NHSL2: variants seen among roughly 807,000 people sequenced by gnomAD.
NHSL2 encodes NHS-like protein 2.
NHSL2 carries 27 observed loss-of-function variants against 53.4 expected under a neutral mutation model. That is an observed-to-expected ratio of 0.51 (90% confidence interval 0.37 to 0.70). NHSL2 has a LOEUF of 0.70. NHSL2 is among the 30% of genes least tolerant of loss of function. NHSL2 has a pLI of 0.00. For synonymous variants in NHSL2, 408 were observed against 404.1 expected (o/e 1.01, Z -0.12); for missense variants, 892 against 980.1 (o/e 0.91, Z 1.20).
chrX:72,089,812 A>G (rs143774178), intron 1 of NHSL2, among the ~76,000 whole-genome samples: 1 of 110,798 alleles, frequency 9.0e-6, no homozygotes, highest in Non-Finnish European at 1.9e-5. Flanking sequence ...CCTCTAATTT[A>G]TCATTTGTGC....
At chrX:71,955,334 G>A (rs1016551293) in intron 1 of NHSL2, among the ~76,000 whole-genome samples, 2 of 111,162 alleles carry the variant, frequency 1.8e-5, no homozygotes, top group Non-Finnish European at 3.8e-5. Context: ...ATGCTGTTTT[G>A]TATTGGTAAA....
At chrX:72,097,994 C>T (rs1218517775) in intron 1 of NHSL2, among the ~76,000 whole-genome samples, 1 of 112,459 alleles carries the variant, frequency 8.9e-6, no homozygotes, top group African/African-American at 3.2e-5. Context: ...GTGTAGCCCT[C>T]TCTTAACATG....
At chrX:72,092,110 G>T (rs1161349487) in intron 1 of NHSL2, among the ~76,000 whole-genome samples, 6 of 111,861 alleles carry the variant, frequency 5.4e-5, no homozygotes, top group Admixed American at 9.5e-5. Flanking sequence ...AGAGCTGTAG[G>T]TTAGATGGCC....
At chrX:71,964,041 A>ATATT (rs1569467147) in intron 1 of NHSL2, among the ~76,000 whole-genome samples, 1 of 9,816 alleles carries the variant, frequency 1.0e-4, no homozygotes, top group African/African-American at 2.0e-4. Flanking sequence ...ATATATATAT[A>ATATT]TGTATATATA....
chrX:71,997,470 C>G (rs1295844594), intron 1 of NHSL2, among the ~76,000 whole-genome samples: 1 of 112,375 alleles, frequency 8.9e-6, no homozygotes, highest in African/African-American at 3.2e-5. Flanking sequence ...AGTCTCTTTA[C>G]TGCCCCCATA....
chrX:71,974,908 T>C (rs1275846716), intron 1 of NHSL2, among the ~76,000 whole-genome samples: 1 of 112,210 alleles, frequency 8.9e-6, no homozygotes, highest in African/African-American at 3.2e-5. Flanking sequence ...TTGTATCTCT[T>C]CTTAGCCTGC....
chrX:72,120,979 G>T (rs2042177061), intron 1 of NHSL2, among the ~76,000 whole-genome samples: 1 of 112,581 alleles, frequency 8.9e-6, no homozygotes, highest in Non-Finnish European at 1.9e-5. Context: ...AGCAGGCCCT[G>T]GCCAGCCAGG....
chrX:71,942,420 C>T (rs190258986), intron 1 of NHSL2, among the ~76,000 whole-genome samples: 89 of 112,433 alleles, frequency 7.9e-4, no homozygotes, highest in African/African-American at 2.7e-3. Context: ...ATATCAGGCT[C>T]CTTGAAATGA....
chrX:71,996,019 G>C (rs1296817613), intron 1 of NHSL2, among the ~76,000 whole-genome samples: 1 of 112,332 alleles, frequency 8.9e-6, no homozygotes, highest in Non-Finnish European at 1.9e-5. Flanking sequence ...GAAGGAGAGA[G>C]CCACTGGACT....
Position 72,144,366 on chromosome X carries a change from A to G in NHSL2, c.*792A>G. The G allele has an allele frequency of 2.9e-6, 1 of 343,823 alleles. No individual in the cohort carries two copies. Among genetic ancestry groups the G allele is most frequent in the South Asian group, 3.4e-5 (1 of 29,581 alleles). The allele number at this position is 343,823 out of a possible 1,213,427, so 28.3% of individuals were successfully genotyped here. ...TTGTTCACTCAGATCTAGCCGAGGT[A>G]ACTCACAAGTGCACCTTGAGATCCT... is the stretch of plus-strand genomic sequence containing the variant. On this transcript the variant is annotated 3_prime_UTR_variant, in exon 8 of 8. Coordinates refer to ENST00000633930, the MANE Select transcript of NHSL2 (RefSeq NM_001013627.3).
At chrX:71,976,119 C>T (rs1222699600) in intron 1 of NHSL2, among the ~76,000 whole-genome samples, 2 of 111,175 alleles carry the variant, frequency 1.8e-5, no homozygotes, top group Non-Finnish European at 3.8e-5. Flanking sequence ...TAATGGCCAC[C>T]TAACTGGTCT....
intron 1 of NHSL2, among the ~76,000 whole-genome samples, chrX:72,099,552 G>A (rs2041974044): frequency 9.2e-6 from 1 of 109,148 alleles, no homozygotes; most frequent in Admixed American, 9.8e-5. Context: ...TGTATTTTTA[G>A]TAGAGATGGG....
intron 1 of NHSL2, among the ~76,000 whole-genome samples, chrX:72,017,854 C>T (rs2042141957): frequency 8.9e-6 from 1 of 111,784 alleles, no homozygotes; most frequent in African/African-American, 3.3e-5. Flanking sequence ...TTTTGAAATC[C>T]GATCTATCAC....
At chrX:71,986,139 C>T (rs946873977) in intron 1 of NHSL2, among the ~76,000 whole-genome samples, 9 of 111,950 alleles carry the variant, frequency 8.0e-5, no homozygotes, top group Non-Finnish European at 1.7e-4. Flanking sequence ...CAAACACCAT[C>T]TTATATTTGA....
At chrX:72,075,900 C>T (rs370512573) in intron 1 of NHSL2, among the ~76,000 whole-genome samples, 1 of 29,861 alleles carries the variant, frequency 3.3e-5, no homozygotes, top group South Asian at 3.0e-3. Flanking sequence ...TGGGGGAGCA[C>T]AGTGTGTGTG....
rs772763998 is a variant in NHSL2, at chrX:71,936,632, CAA to C, written c.280+25267_280+25268del. Among the ~76,000 whole-genome samples the C allele has an allele frequency of 4.8e-3, 536 of 111,825 alleles. 1 individual carries two copies. Among genetic ancestry groups the C allele is most frequent in the Non-Finnish European group, 7.5e-3 (398 of 53,116 alleles). Reference sequence around the variant, plus strand: ...AGGGAGTGCCACTTCTAAATACAAACAAAGAGAAACAAAACAGAAACTTTAAA... The same window carrying C: ...AGGGAGTGCCACTTCTAAATACAAACAGAGAAACAAAACAGAAACTTTAAA... On this transcript the variant is annotated intron_variant, in intron 1 of 7. Coordinates refer to ENST00000633930, the MANE Select transcript of NHSL2 (RefSeq NM_001013627.3).
chrX:72,005,129 T>C (rs2042088907), intron 1 of NHSL2, among the ~76,000 whole-genome samples: 1 of 112,277 alleles, frequency 8.9e-6, no homozygotes, highest in Non-Finnish European at 1.9e-5. Flanking sequence ...TCTATATTAA[T>C]TTTTTTAAAC....
chrX:72,002,863 C>A (rs2042077672), intron 1 of NHSL2, among the ~76,000 whole-genome samples: 1 of 111,132 alleles, frequency 9.0e-6, no homozygotes, highest in Admixed American at 9.5e-5. Context: ...TTTGGACTAT[C>A]AGGAATTCTG....
In NHSL2 at chrX:72,090,450, T is replaced by C. The variant is rs773329185; in HGVS notation, c.281-41629T>C. Reference sequence around the variant, plus strand: ...CTTAATATGTCTATGGACATCTTTCTATGGCAGAATATATCTTCTTTTCAA... The same window carrying C: ...CTTAATATGTCTATGGACATCTTTCCATGGCAGAATATATCTTCTTTTCAA... On this transcript the variant is annotated intron_variant, in intron 1 of 7. Coordinates refer to ENST00000633930, the MANE Select transcript of NHSL2 (RefSeq NM_001013627.3). 6.2e-5 allele frequency among the ~76,000 whole-genome samples: 7 copies of C among 112,219 alleles called. No homozygotes were observed. In the Admixed American group the frequency reaches 6.6e-4, roughly 11 times the overall value.
Sources: gnomAD v4.1 joint callset for allele counts (sites outside exome capture counted in the v4.1 genomes callset) on GRCh38, gnomAD v4.1.1 for gene constraint, MANE v1.5 for transcripts, NCBI Gene and HGNC (gene_info 2026-07-23, HGNC 2026-07-21) for gene names.